The following CUX1 variants were observed in gnomAD, a reference collection of about 807,000 sequenced individuals.
CUX1 encodes the protein protein CASP.
Under a neutral mutation model 158.8 loss-of-function variants are expected in CUX1, and 31 were observed. That is an observed-to-expected ratio of 0.20 (90% CI 0.15 to 0.26). CUX1 has a LOEUF of 0.26. CUX1 is among the 10% of genes least tolerant of loss of function. The pLI is 1.00. For missense variants in CUX1, 1,589 were observed against 2,014.6 expected (o/e 0.79, Z 4.04); for synonymous variants, 879 against 862.1 (o/e 1.02, Z -0.34).
Position 102,137,712 on chromosome 7 carries a change from C to T in CUX1, c.675-20848C>T, listed in dbSNP as rs184082730. ...AGTAGGATTACACTTTTAAATAGTA[C>T]ATTTCATTCCATTTTTATTTTACAT... On this transcript the variant is annotated intron_variant, in intron 8 of 23. Transcript: ENST00000292535. 2.2e-3 allele frequency among the ~76,000 whole-genome samples: 328 copies of T among 152,210 alleles called. 3 individuals carry two copies. The highest frequency in any genetic ancestry group is 7.7e-3 in the African/African-American group (320 of 41,542).
chr7:102,041,639 T>C (rs1434944460), intron 3 of CUX1, among the ~76,000 whole-genome samples: 3 of 151,016 alleles, frequency 2.0e-5, no homozygotes, highest in African/African-American at 4.9e-5. Flanking sequence ...TCATCTCTAA[T>C]AGGGCTTCAT....
chr7:102,127,444 A>G (rs1235335300), intron 8 of CUX1, among the ~76,000 whole-genome samples: 5 of 152,122 alleles, frequency 3.3e-5, no homozygotes, highest in Admixed American at 6.5e-5. Flanking sequence ...GGCTCAAACA[A>G]TCCTCCCACC....
intron 12 of CUX1, among the ~76,000 whole-genome samples, chr7:102,191,750 CTCCTCTTCTTCTTTCTTCCTCT>C (rs1330857655): frequency 1.3e-4 from 19 of 151,614 alleles, no homozygotes; most frequent in Non-Finnish European, 2.4e-4. Flanking sequence ...TTTCTTCCTC[CTCCTCTTCTTCTTTCTTCCTCT>C]TCCTCTTCTT....
chr7:102,058,200 T>A (rs1167189807), intron 3 of CUX1, among the ~76,000 whole-genome samples: 1 of 152,236 alleles, frequency 6.6e-6, no homozygotes, highest in Non-Finnish European at 1.5e-5. Flanking sequence ...GATACAAACA[T>A]AACTTTTATA....
At chr7:101,822,114 A>C (rs1218469754) in intron 1 of CUX1, 1 of 150,948 alleles carries the variant, frequency 6.6e-6, no homozygotes, top group Non-Finnish European at 1.5e-5. Context: ...TCGGCCTCCC[A>C]AAGTGCTGGG....
At chr7:102,040,556 A>G (rs549657578) in intron 3 of CUX1, among the ~76,000 whole-genome samples, 2 of 152,222 alleles carry the variant, frequency 1.3e-5, no homozygotes, top group African/African-American at 2.4e-5. Context: ...CACCGGCAGG[A>G]TGATTTGACA....
chr7:102,097,538 T>TC, intron 5 of CUX1, 37 bp downstream of exon 5: 1 of 1,500,210 alleles, frequency 6.7e-7, no homozygotes. Flanking sequence ...TTTCTTTTCT[T>TC]CTTTTTTTTC....
chr7:102,149,868 T>C lies in CUX1; in HGVS notation c.675-8692T>C, dbSNP rs572024159. Reference sequence around the variant, plus strand: ...CACCGCTTCAGCAACCTGCTCTTTCTGGACAGGGTCCAGCGAGCCCCACCT... The same window carrying C: ...CACCGCTTCAGCAACCTGCTCTTTCCGGACAGGGTCCAGCGAGCCCCACCT... On this transcript the variant is annotated intron_variant, in intron 8 of 23. Coordinates refer to ENST00000292535, the MANE Select transcript of CUX1 (RefSeq NM_181552.4). Among the ~76,000 whole-genome samples, 4 of 152,282 alleles carry C rather than the reference T, an allele frequency of 2.6e-5. No homozygotes were observed. In the East Asian group the frequency reaches 7.7e-4, roughly 29 times the overall value.
chr7:101,887,098 G>A (rs557252910), intron 1 of CUX1, among the ~76,000 whole-genome samples: 9 of 152,288 alleles, frequency 5.9e-5, no homozygotes, highest in South Asian at 2.1e-4. Context: ...ACTGCTGGGC[G>A]TTGTTGAGTC....
chr7:102,193,804 A>C, intron 12 of CUX1, 38 bp from the exon 13 acceptor site: 1 of 1,605,486 alleles, frequency 6.2e-7, no homozygotes, highest in Non-Finnish European at 8.5e-7. Context: ...TCTGTCTCAA[A>C]AAATAAATAA....
intron 2 of CUX1, among the ~76,000 whole-genome samples, chr7:102,022,613 CAAAA>C (rs11344759): frequency 0.015 from 2,081 of 135,014 alleles, 27 homozygotes; most frequent in Non-Finnish European, 0.022. Context: ...GACACTGTCT[CAAAA>C]AAAAAAAAAA....
At chr7:102,010,436 T>C (rs1585263134) in intron 2 of CUX1, among the ~76,000 whole-genome samples, 1 of 151,038 alleles carries the variant, frequency 6.6e-6, no homozygotes, top group Non-Finnish European at 1.5e-5. Flanking sequence ...GATATGTGCT[T>C]ACATAAGAAA....
chr7:102,231,750 G>C, intron 21 of CUX1, among the ~76,000 whole-genome samples: 1 of 137,216 alleles, frequency 7.3e-6, no homozygotes. Flanking sequence ...GTCTCGCTCT[G>C]TCACCCAGGC....
At chr7:102,012,705 C>CGG (rs145520606) in intron 2 of CUX1, among the ~76,000 whole-genome samples, 20 of 127,868 alleles carry the variant, frequency 1.6e-4, no homozygotes, top group African/African-American at 5.6e-4. Context: ...AGAGTGGGGG[C>CGG]GGGGGGAGGG....
intron 8 of CUX1, among the ~76,000 whole-genome samples, chr7:102,138,390 T>C (rs1436435240): frequency 2.0e-5 from 3 of 152,322 alleles, no homozygotes; most frequent in African/African-American, 7.2e-5. Context: ...ATCTCTGTCC[T>C]AGGCTTTCTG....
intron 11 of CUX1, chr7:102,188,818 CAAAAAAA>C (rs201921412): frequency 3.7e-5 from 3 of 81,748 alleles, no homozygotes; most frequent in Non-Finnish European, 5.2e-5. Flanking sequence ...CTGTCTCCAC[CAAAAAAA>C]AAAAAAAAAA....
chr7:102,023,521 G>A (rs952432560), intron 2 of CUX1, among the ~76,000 whole-genome samples: 4 of 152,206 alleles, frequency 2.6e-5, no homozygotes, highest in African/African-American at 9.6e-5. Context: ...CCAGGCTGGA[G>A]TGTAATGGCA....
At position 102,076,328 on chromosome 7, in the gene CUX1, T is replaced by C. The variant is rs190876570; in HGVS notation, c.268+5911T>C. ...TGAACCCAAGAGGTGGAGGTTGCAGTGAGCCGAGATTGTACTACTGCACTC... is the reference window on the plus strand; with the variant it reads ...TGAACCCAAGAGGTGGAGGTTGCAGCGAGCCGAGATTGTACTACTGCACTC... On this transcript the variant is annotated intron_variant, in intron 4 of 23. Transcript: ENST00000292535. Among the ~76,000 whole-genome samples the C allele has an allele frequency of 4.9e-3, 749 of 151,816 alleles. 2 individuals are homozygous for C. The highest frequency in any genetic ancestry group is 0.01 in the Middle Eastern group (3 of 294).
At chr7:101,826,286 C>A (rs1046957961) in intron 1 of CUX1, among the ~76,000 whole-genome samples, 2 of 151,924 alleles carry the variant, frequency 1.3e-5, no homozygotes. Flanking sequence ...GAAGCCTTGA[C>A]CTCCCGGGCT....
Sources: gnomAD v4.1 joint callset for allele counts (sites outside exome capture counted in the v4.1 genomes callset) on GRCh38, gnomAD v4.1.1 for gene constraint, MANE v1.5 for transcripts, NCBI Gene and HGNC (gene_info 2026-07-23, HGNC 2026-07-21) for gene names.